Variants in ZNF682 observed in about 807,000 individuals in gnomAD.
ZNF682 encodes zinc finger protein 682.
A neutral mutation model predicts 36.5 loss-of-function variants in ZNF682; 29 were observed. That is an observed-to-expected ratio of 0.80 (90% CI 0.59 to 1.08). The LOEUF (loss-of-function observed/expected upper bound fraction) is 1.08. Among genes scored for constraint, ZNF682 ranks in the 50% least tolerant of loss-of-function variants. The pLI, the probability that ZNF682 is intolerant of heterozygous loss-of-function variation, is 0.00. For missense variants in ZNF682, 561 were observed against 579.7 expected, an observed-to-expected ratio of 0.97 and a Z score of 0.33; for synonymous variants, 180 against 197.0, an observed-to-expected ratio of 0.91 and a Z score of 0.72.
downstream of ZNF682, among the ~76,000 whole-genome samples, chr19:20,003,190 C>CAAAAAAAAAAAAAAAAAAAAAAAAAAA (rs755953644): frequency 3.0e-5 from 1 of 33,086 alleles, no homozygotes; most frequent in Non-Finnish European, 4.6e-5. Context: ...GACTCCGTCT[C>CAAAAAAAAAAAAAAAAAAAAAAAAAAA]AAAAAAAAAA....
At chr19:20,011,589 C>A (rs2088288866) in intron 3 of ZNF682, among the ~76,000 whole-genome samples, 1 of 152,196 alleles carries the variant, frequency 6.6e-6, no homozygotes, top group South Asian at 2.1e-4. Flanking sequence ...AAATTGAAAT[C>A]ATCTTCTTGA....
intron 3 of ZNF682, among the ~76,000 whole-genome samples, chr19:20,021,007 T>C (rs2088378751): frequency 6.6e-6 from 1 of 152,188 alleles, no homozygotes. Flanking sequence ...CTATAGTTAA[T>C]CATAATGCTC....
intron 2 of ZNF682, among the ~76,000 whole-genome samples, chr19:20,023,970 G>C (rs1263479572): frequency 6.6e-6 from 1 of 152,024 alleles, no homozygotes; most frequent in African/African-American, 2.4e-5. Context: ...AACAGAGCTA[G>C]ACTCTGTCTC....
downstream of ZNF682, among the ~76,000 whole-genome samples, chr19:19,995,761 A>G (rs1024568257): frequency 3.4e-5 from 5 of 145,376 alleles, no homozygotes; most frequent in Non-Finnish European, 7.7e-5. Context: ...ATGAAGAGGA[A>G]AAAAAAAAAA....
chr19:20,036,877 T>C (rs2088535532), intron 1 of ZNF682, among the ~76,000 whole-genome samples: 1 of 149,202 alleles, frequency 6.7e-6, no homozygotes, highest in African/African-American at 2.5e-5. Context: ...CCTAGGTAAC[T>C]GGGAGGCTGA....
chr19:20,021,884 T>C (rs1234968556), intron 3 of ZNF682, among the ~76,000 whole-genome samples: 1 of 152,112 alleles, frequency 6.6e-6, no homozygotes, highest in Non-Finnish European at 1.5e-5. Context: ...GAAAATTCCA[T>C]AAGGGGCTGG....
Position 20,039,476 on chromosome 19 carries a change from C to T in ZNF682, c.-131G>A. 7.8e-7 allele frequency: 1 copy of T among 1,277,986 alleles called. No homozygotes were observed. Among genetic ancestry groups the T allele is most frequent in the African/African-American group, 1.5e-5 (1 of 68,232 alleles). The allele number at this position is 1,277,986 out of a possible 1,614,324, so 79.2% of individuals were successfully genotyped here. ...AGGATACTAAGCAATGAAGATGGAC[C>T]CTGAGCTCTGGCTGGAGCGAGACAA... On this transcript the variant is annotated 5_prime_UTR_variant, in exon 1 of 4. Coordinates refer to ENST00000397165, the MANE Select transcript of ZNF682 (RefSeq NM_033196.3).
At chr19:20,017,319 C>T (rs1221119489) in intron 3 of ZNF682, among the ~76,000 whole-genome samples, 1 of 151,994 alleles carries the variant, frequency 6.6e-6, no homozygotes, top group Non-Finnish European at 1.5e-5. Context: ...CTTTAGGGGA[C>T]TCATTTTAGT....
chr19:19,995,268 G>A (rs1405777937), downstream of ZNF682, among the ~76,000 whole-genome samples: 1 of 152,142 alleles, frequency 6.6e-6, no homozygotes, highest in Non-Finnish European at 1.5e-5. Flanking sequence ...GAATGGAAAA[G>A]GTTTACACTC....
In ZNF682 at chr19:20,006,660, C is replaced by T. The variant is rs754217153; in HGVS notation, c.842G>A (p.Gly281Glu). The T allele has an allele frequency of 6.2e-7, 1 of 1,613,940 alleles. No individual in the cohort carries two copies. Among genetic ancestry groups the T allele is most frequent in the East Asian group, 2.2e-5 (1 of 44,858 alleles). The change falls in exon 4 of 4, where the codon GGA becomes GAA. Residue 281 changes from glycine to glutamate, a missense_variant. Coordinates refer to ENST00000397165, the MANE Select transcript of ZNF682 (RefSeq NM_033196.3). ...GTCTTCACATGTATAGGGTTTTTCT[C>T]CTGTATGAATTTTCTTATGTCTAAC... Reference protein sequence around the residue: ...PFVRHKKIHTGEKPYTCEDCG... With the variant: ...PFVRHKKIHTEEKPYTCEDCG...
chr19:20,034,339 G>A (rs1324161348), intron 1 of ZNF682: 1 of 152,178 alleles, frequency 6.6e-6, no homozygotes, highest in Non-Finnish European at 1.5e-5. Flanking sequence ...CTTTTGATGA[G>A]GAATAGGAAA....
intron 1 of ZNF682, among the ~76,000 whole-genome samples, chr19:20,038,635 C>T (rs1271808842): frequency 1.4e-5 from 2 of 141,490 alleles, no homozygotes; most frequent in Non-Finnish European, 3.1e-5. Context: ...AAATCAAAGG[C>T]AAATACATTT....
intron 3 of ZNF682, chr19:19,997,387 A>T (rs1160632175): frequency 5.0e-6 from 2 of 396,748 alleles, no homozygotes; most frequent in African/African-American, 4.1e-5. Context: ...TCACATACCC[A>T]TAAGTGTCTG....
At chr19:19,996,283 T>C (rs1303392644), downstream of ZNF682, among the ~76,000 whole-genome samples, 3 of 152,204 alleles carry the variant, frequency 2.0e-5, no homozygotes, top group African/African-American at 7.2e-5. Flanking sequence ...GGAGATTCCT[T>C]AAAGAACTAA....
At chr19:20,031,902 G>C (rs1403392488) in intron 1 of ZNF682, among the ~76,000 whole-genome samples, 1 of 152,128 alleles carries the variant, frequency 6.6e-6, no homozygotes, top group African/African-American at 2.4e-5. Flanking sequence ...AAAGTTCTTT[G>C]TCAAGGATTC....
intron 1 of ZNF682, chr19:20,034,203 G>A (rs564136889): frequency 6.6e-6 from 1 of 152,334 alleles, no homozygotes; most frequent in East Asian, 1.9e-4. Context: ...CACGCATTCT[G>A]AAGAACAGAT....
chr19:20,003,061 G>A (rs1036282054), downstream of ZNF682, among the ~76,000 whole-genome samples: 1 of 151,000 alleles, frequency 6.6e-6, no homozygotes. Flanking sequence ...CGTGGTGGTG[G>A]GCGCCTGTAG....
At chr19:20,035,534 TGATATAA>T (rs2088521358) in intron 1 of ZNF682, among the ~76,000 whole-genome samples, 1 of 152,094 alleles carries the variant, frequency 6.6e-6, no homozygotes, top group South Asian at 2.1e-4. Context: ...TATTTTCTTT[TGATATAA>T]GATATAAATA....
intron 3 of ZNF682, among the ~76,000 whole-genome samples, chr19:20,016,465 G>A (rs2088335292): frequency 6.6e-6 from 1 of 151,980 alleles, no homozygotes; most frequent in Admixed American, 6.6e-5. Flanking sequence ...AATAGTGCAT[G>A]AGGAAATGAT....
Sources: allele counts gnomAD v4.1 joint callset (sites outside exome capture counted in the v4.1 genomes callset), GRCh38; gene constraint gnomAD v4.1.1; transcripts MANE v1.5; gene names NCBI Gene and HGNC (gene_info 2026-07-23, HGNC 2026-07-21).